The following DIRAS2 variants were observed in gnomAD, a reference collection of about 807,000 sequenced individuals.
DIRAS2 encodes DIRAS family GTPase 2.
A neutral mutation model predicts 13.9 loss-of-function variants in DIRAS2; 5 were observed. That is an observed-to-expected ratio of 0.36 (90% CI 0.19 to 0.76). DIRAS2 has a LOEUF of 0.76. DIRAS2 is among the 30% of genes least tolerant of loss of function. The pLI is 0.53. For synonymous variants in DIRAS2, 111 were observed against 105.4 expected, an observed-to-expected ratio of 1.05 and a Z score of -0.33; for missense variants, 191 against 263.0, an observed-to-expected ratio of 0.73 and a Z score of 1.89.
chr9:90,626,371 C>G (rs1017888409), intron 1 of DIRAS2, among the ~76,000 whole-genome samples: 4 of 150,640 alleles, frequency 2.7e-5, no homozygotes, highest in Non-Finnish European at 5.9e-5. Flanking sequence ...ACCAGAGAGA[C>G]TGAGGCAGGA....
intron 1 of DIRAS2, among the ~76,000 whole-genome samples, chr9:90,622,967 G>A (rs1156864299): frequency 6.6e-6 from 1 of 152,088 alleles, no homozygotes; most frequent in East Asian, 1.9e-4. Context: ...ATTAGATGAT[G>A]GATTGATTGT....
At chr9:90,639,902 G>A (rs894542737) in intron 1 of DIRAS2, among the ~76,000 whole-genome samples, 2 of 152,120 alleles carry the variant, frequency 1.3e-5, no homozygotes, top group East Asian at 1.9e-4. Flanking sequence ...TGATGGCGCC[G>A]AACATGTTAG....
At chr9:90,618,814 T>C (rs1306096496) in intron 1 of DIRAS2, among the ~76,000 whole-genome samples, 1 of 152,118 alleles carries the variant, frequency 6.6e-6, no homozygotes, top group Non-Finnish European at 1.5e-5. Flanking sequence ...TAGCCAATAA[T>C]AAGTCAATAA....
intron 1 of DIRAS2, among the ~76,000 whole-genome samples, chr9:90,634,081 A>G (rs1825350346): frequency 6.6e-6 from 1 of 152,202 alleles, no homozygotes; most frequent in Non-Finnish European, 1.5e-5. Context: ...GAGGGTCAAA[A>G]GGAAGTGCTA....
intron 1 of DIRAS2, among the ~76,000 whole-genome samples, chr9:90,634,784 G>A (rs1170334874): frequency 6.6e-6 from 1 of 152,202 alleles, no homozygotes; most frequent in African/African-American, 2.4e-5. Flanking sequence ...ATTAGAAAGG[G>A]CTGAAGCTGA....
chr9:90,614,141 A>C (rs1825143414), intron 1 of DIRAS2, among the ~76,000 whole-genome samples: 1 of 152,194 alleles, frequency 6.6e-6, no homozygotes, highest in Admixed American at 6.5e-5. Flanking sequence ...AAAGATGCAA[A>C]GTGAGCCCGA....
At position 90,613,739 on chromosome 9, in the gene DIRAS2, C is replaced by T; in HGVS notation, c.89G>A (p.Gly30Asp). The change falls in exon 2 of 2, where the codon GGC becomes GAC. Residue 30 changes from glycine (G) to aspartate (D), a missense_variant. Coordinates refer to ENST00000375765, the MANE Select transcript of DIRAS2 (RefSeq NM_017594.5). The surrounding 1 kb of genome is among the most constrained non-coding windows in gnomAD (Gnocchi z 5.6). ...KSSLVLRFVK[G>D]TFRESYIPTV... ...CGGGATGTAGCTCTCCCGGAATGTG[C>T]CTTTCACAAACCTCAACACCAGGGA... The T allele has an allele frequency of 6.2e-7, 1 of 1,614,134 alleles. No homozygotes were observed. Among genetic ancestry groups the T allele is most frequent in the Non-Finnish European group, 8.5e-7 (1 of 1,180,032 alleles).
chr9:90,635,269 T>G (rs1825360121), intron 1 of DIRAS2, among the ~76,000 whole-genome samples: 1 of 152,210 alleles, frequency 6.6e-6, no homozygotes, highest in Admixed American at 6.5e-5. Context: ...TTCATTAATG[T>G]TTTAGTGCAC....
chr9:90,625,632 G>T (rs1020525319), intron 1 of DIRAS2, among the ~76,000 whole-genome samples: 1 of 152,108 alleles, frequency 6.6e-6, no homozygotes, highest in Non-Finnish European at 1.5e-5. Context: ...CAACTATAAA[G>T]GTGAGTTTAT....
intron 1 of DIRAS2, among the ~76,000 whole-genome samples, chr9:90,635,750 C>G (rs1355314186): frequency 2.0e-5 from 3 of 152,238 alleles, no homozygotes; most frequent in East Asian, 1.9e-4. Flanking sequence ...ATTTGTCAGT[C>G]TTTGCCGGTC....
chr9:90,614,461 A>G (rs1361782652), intron 1 of DIRAS2, among the ~76,000 whole-genome samples: 1 of 152,058 alleles, frequency 6.6e-6, no homozygotes, highest in African/African-American at 2.4e-5. Flanking sequence ...AGTTGGTGCC[A>G]TTAGCTCTGT....
chr9:90,628,788 C>T (rs1205920040), intron 1 of DIRAS2, among the ~76,000 whole-genome samples: 5 of 152,168 alleles, frequency 3.3e-5, no homozygotes, highest in Non-Finnish European at 5.9e-5. Flanking sequence ...CTCAAGCAAT[C>T]CACTTCCCTC....
In DIRAS2 at chr9:90,610,120, T is replaced by C. The variant is rs957192109; in HGVS notation, c.*3108A>G. ...TTACATGTGTCCTATTAGTTGTAGA[T>C]ATTTCCAGAGAACTTATGTAGAAGC... is the stretch of plus-strand genomic sequence containing the variant. On this transcript the variant is annotated 3_prime_UTR_variant, in exon 2 of 2. Coordinates refer to ENST00000375765, the MANE Select transcript of DIRAS2 (RefSeq NM_017594.5). 5 of 270,154 alleles carry C rather than the reference T, an allele frequency of 1.9e-5. No individual in the cohort carries two copies. Among genetic ancestry groups the C allele is most frequent in the African/African-American group, 6.5e-5 (3 of 45,840 alleles). 16.7% of individuals were successfully genotyped at this position (270,154 alleles called of 1,614,324 possible).
chr9:90,632,926 G>T (rs972079114), intron 1 of DIRAS2, among the ~76,000 whole-genome samples: 1 of 152,214 alleles, frequency 6.6e-6, no homozygotes, highest in Non-Finnish European at 1.5e-5. Flanking sequence ...CTATTTCACT[G>T]ACAGGGCAGT....
In DIRAS2 at chr9:90,610,569, G is replaced by A. The variant is rs1825102494; in HGVS notation, c.*2659C>T. The A allele has an allele frequency of 1.3e-5, 5 of 395,900 alleles. 1 individual carries two copies. Among genetic ancestry groups the A allele is most frequent in the South Asian group, 1.4e-4 (1 of 7,236 alleles). 24.5% of individuals were successfully genotyped at this position (395,900 alleles called of 1,614,324 possible). On this transcript the variant is annotated 3_prime_UTR_variant, in exon 2 of 2. Coordinates refer to ENST00000375765, the MANE Select transcript of DIRAS2 (RefSeq NM_017594.5). ...AAAAACTGCTATGCCCATATGCAAT[G>A]TAGGATGTGTTTTCAAGAACCACAG...
chr9:90,638,304 A>T (rs944129587), intron 1 of DIRAS2, among the ~76,000 whole-genome samples: 16 of 152,214 alleles, frequency 1.1e-4, no homozygotes, highest in African/African-American at 3.6e-4. Context: ...TGGCAAAATT[A>T]AAAAAATAGA....
chr9:90,628,843 A>T (rs567432194), intron 1 of DIRAS2, among the ~76,000 whole-genome samples: 1 of 149,132 alleles, frequency 6.7e-6, no homozygotes, highest in East Asian at 2.0e-4. Context: ...CACCTTGCCC[A>T]GCCTAAAAAT....
At chr9:90,635,777 G>A (rs954974035) in intron 1 of DIRAS2, among the ~76,000 whole-genome samples, 5 of 152,228 alleles carry the variant, frequency 3.3e-5, no homozygotes, top group Non-Finnish European at 4.4e-5. Context: ...GAAGGTAATG[G>A]AAGACAAGAT....
chr9:90,632,912 G>A (rs999201802), intron 1 of DIRAS2, among the ~76,000 whole-genome samples: 1 of 152,204 alleles, frequency 6.6e-6, no homozygotes, highest in Admixed American at 6.5e-5. Context: ...TGCAGAACAT[G>A]CGGCTATTTC....
Sources: gnomAD v4.1 joint callset for allele counts (sites outside exome capture counted in the v4.1 genomes callset) on GRCh38, gnomAD v4.1.1 for gene constraint, Gnocchi (gnomAD v3.1) non-coding constraint, MANE v1.5 for transcripts, NCBI Gene and HGNC (gene_info 2026-07-23, HGNC 2026-07-21) for gene names.